RSRC1: variants seen among roughly 807,000 people sequenced by gnomAD.
RSRC1 encodes the protein arginine and serine rich coiled-coil 1, also known as serine/Arginine-related protein 53.
RSRC1 carries 39 observed loss-of-function variants against 49.1 expected under a neutral mutation model. The observed-to-expected ratio is 0.79, with a 90% CI of 0.61 to 1.04. RSRC1 has a LOEUF of 1.04. Ranked by LOEUF, RSRC1 falls within the 50% of genes least tolerant of loss-of-function variation. The pLI, the probability that RSRC1 is intolerant of heterozygous loss-of-function variation, is 0.00. For missense variants in RSRC1, 388 were observed against 402.4 expected (o/e 0.96, Z 0.31); for synonymous variants, 143 against 130.8 (o/e 1.09, Z -0.63).
intron 7 of RSRC1, among the ~76,000 whole-genome samples, chr3:158,479,452 A>G (rs1738522657): frequency 6.6e-6 from 1 of 151,776 alleles, no homozygotes. Flanking sequence ...TATTTTTTCC[A>G]AATGAGTTTG....
At chr3:158,439,193 G>A (rs1736234845) in intron 6 of RSRC1, among the ~76,000 whole-genome samples, 2 of 152,122 alleles carry the variant, frequency 1.3e-5, no homozygotes, top group South Asian at 2.1e-4. Flanking sequence ...TGGAGAAATA[G>A]GAACACTTTT....
intron 3 of RSRC1, among the ~76,000 whole-genome samples, chr3:158,128,212 T>TA (rs1715758447): frequency 6.6e-6 from 1 of 152,194 alleles, no homozygotes; most frequent in African/African-American, 2.4e-5. Context: ...ATGTTGGACT[T>TA]ACATTCCATG....
chr3:158,112,945 T>A (rs1714513271), intron 1 of RSRC1, among the ~76,000 whole-genome samples: 1 of 152,180 alleles, frequency 6.6e-6, no homozygotes, highest in Admixed American at 6.5e-5. Context: ...GGCTTCCAGC[T>A]CCATCCATGT....
chr3:158,441,369 A>G (rs976248136), intron 6 of RSRC1, among the ~76,000 whole-genome samples: 7 of 152,222 alleles, frequency 4.6e-5, no homozygotes, highest in Admixed American at 4.6e-4. Context: ...AATACAAACA[A>G]AGACTTTTTT....
intron 6 of RSRC1, among the ~76,000 whole-genome samples, chr3:158,365,703 G>A (rs904152358): frequency 2.0e-5 from 3 of 152,110 alleles, no homozygotes; most frequent in African/African-American, 2.4e-5. Context: ...TCTGGTTCTA[G>A]CTCCTTGAGG....
chr3:158,342,358 C>G (rs1353450910), intron 5 of RSRC1, among the ~76,000 whole-genome samples: 1 of 152,102 alleles, frequency 6.6e-6, no homozygotes, highest in Non-Finnish European at 1.5e-5. Flanking sequence ...TCATGGGGGC[C>G]AGTCTTTCCC....
chr3:158,468,975 G>A (rs1578517421), intron 7 of RSRC1, among the ~76,000 whole-genome samples: 1 of 152,156 alleles, frequency 6.6e-6, no homozygotes, highest in Middle Eastern at 3.4e-3. Context: ...TCATTATTTG[G>A]TATATTACAA....
intron 7 of RSRC1, among the ~76,000 whole-genome samples, chr3:158,462,836 G>A (rs1737686250): frequency 6.6e-6 from 1 of 151,920 alleles, no homozygotes; most frequent in Non-Finnish European, 1.5e-5. Context: ...TACGTAGTCT[G>A]CAATATACAG....
Position 158,350,965 on chromosome 3 carries a change from A to AT in RSRC1, c.532-3883dup, listed in dbSNP as rs1005683535. Among the ~76,000 whole-genome samples the AT allele has an allele frequency of 5.3e-5, 8 of 151,904 alleles. No individual in the cohort carries two copies. In the South Asian group the frequency reaches 1.0e-3, roughly 20 times the overall value. ...GTAACTAAAAATGGGTTGGTATGAA[A>AT]TTTTTTTTTAATTCTATATTCTGTT... is the stretch of plus-strand genomic sequence containing the variant. On this transcript the variant is annotated intron_variant, in intron 5 of 9. Transcript: ENST00000611884.
chr3:158,454,663 C>T (rs759229906), intron 6 of RSRC1, among the ~76,000 whole-genome samples: 23 of 152,044 alleles, frequency 1.5e-4, no homozygotes, highest in African/African-American at 5.6e-4. Context: ...CCTTATTAAC[C>T]AATTCCTCTA....
At chr3:158,252,731 G>T (rs146389990) in intron 4 of RSRC1, among the ~76,000 whole-genome samples, 4 of 152,092 alleles carry the variant, frequency 2.6e-5, no homozygotes, top group Admixed American at 6.6e-5. Context: ...TTCTTTACCG[G>T]GAGACTTTTT....
At chr3:158,507,949 T>A (rs577332827) in intron 7 of RSRC1, among the ~76,000 whole-genome samples, 2 of 152,202 alleles carry the variant, frequency 1.3e-5, no homozygotes, top group Non-Finnish European at 2.9e-5. Flanking sequence ...GGCACACGCC[T>A]GCAATCCTAG....
chr3:158,510,242 G>A (rs958093551), intron 7 of RSRC1, among the ~76,000 whole-genome samples: 7 of 152,028 alleles, frequency 4.6e-5, no homozygotes, highest in Non-Finnish European at 7.4e-5. Context: ...TTGGTCATTG[G>A]TATTCCTTTA....
chr3:158,345,636 G>T (rs953628746), intron 5 of RSRC1, among the ~76,000 whole-genome samples: 1 of 151,892 alleles, frequency 6.6e-6, no homozygotes, highest in Admixed American at 6.6e-5. Flanking sequence ...AAGGGTAGAG[G>T]TGTTACTCTA....
intron 6 of RSRC1, among the ~76,000 whole-genome samples, chr3:158,363,203 AG>A (rs1184796423): frequency 6.6e-6 from 1 of 152,006 alleles, no homozygotes; most frequent in African/African-American, 2.4e-5. Context: ...AAAGTTACAG[AG>A]CTAATAAGTG....
intron 6 of RSRC1, among the ~76,000 whole-genome samples, chr3:158,360,088 T>G (rs1483804713): frequency 6.6e-6 from 1 of 152,046 alleles, no homozygotes; most frequent in Admixed American, 6.5e-5. Flanking sequence ...GAGAAGGCCC[T>G]GGAGTGGATG....
chr3:158,244,173 T>C (rs1258744768), intron 4 of RSRC1, among the ~76,000 whole-genome samples: 3 of 151,994 alleles, frequency 2.0e-5, no homozygotes, highest in Non-Finnish European at 4.4e-5. Context: ...TGAATAGGAG[T>C]GGTGAGAGAG....
chr3:158,243,975 A>G (rs546321098), intron 4 of RSRC1, among the ~76,000 whole-genome samples: 2 of 147,372 alleles, frequency 1.4e-5, no homozygotes, highest in East Asian at 4.0e-4. Flanking sequence ...TTTAATATAC[A>G]GGATTATGTC....
At chr3:158,276,442 C>T in intron 4 of RSRC1, 1 of 696,748 alleles carries the variant, frequency 1.4e-6, no homozygotes, top group Non-Finnish European at 2.6e-6. Flanking sequence ...TTGATGGCTG[C>T]CGCCAGACAG....
Sources: allele counts gnomAD v4.1 joint callset (sites outside exome capture counted in the v4.1 genomes callset), GRCh38; gene constraint gnomAD v4.1.1; transcripts MANE v1.5; gene names NCBI Gene and HGNC (gene_info 2026-07-23, HGNC 2026-07-21).